Variants in COL19A1 observed in about 807,000 individuals in gnomAD.
COL19A1 encodes collagen alpha-1(XIX) chain.
COL19A1 carries 159 observed loss-of-function variants against 190.2 expected under a neutral mutation model. The observed-to-expected ratio is 0.84, with a 90% CI of 0.73 to 0.95. The LOEUF is 0.95. COL19A1 is among the 40% of genes least tolerant of loss of function. The pLI is 0.00. For synonymous variants in COL19A1, 509 were observed against 458.9 expected, an observed-to-expected ratio of 1.11 and a Z score of -1.39; for missense variants, 1,418 against 1,431.9, an observed-to-expected ratio of 0.99 and a Z score of 0.16.
intron 4 of COL19A1, among the ~76,000 whole-genome samples, chr6:69,904,804 G>C (rs1476153618): frequency 6.6e-6 from 1 of 152,156 alleles, no homozygotes; most frequent in Non-Finnish European, 1.5e-5. Context: ...GCACCTGAAG[G>C]TCCCTCACCC....
chr6:70,060,358 G>A (rs1780752093), intron 14 of COL19A1, among the ~76,000 whole-genome samples: 1 of 152,076 alleles, frequency 6.6e-6, no homozygotes, highest in African/African-American at 2.4e-5. Flanking sequence ...AGAAAAAAAT[G>A]AGCCTGTATC....
chr6:70,053,250 T>A (rs1415805347), intron 14 of COL19A1, among the ~76,000 whole-genome samples: 1 of 152,222 alleles, frequency 6.6e-6, no homozygotes, highest in African/African-American at 2.4e-5. Flanking sequence ...CTTGATTTAC[T>A]CAAGGACTTT....
intron 15 of COL19A1, among the ~76,000 whole-genome samples, chr6:70,072,846 C>G (rs1021646531): frequency 5.3e-5 from 8 of 152,106 alleles, no homozygotes; most frequent in Non-Finnish European, 1.0e-4. Context: ...TGGGAGCCTA[C>G]AAAAGTACAG....
At chr6:69,930,837 C>T (rs1261602801) in intron 6 of COL19A1, among the ~76,000 whole-genome samples, 3 of 151,930 alleles carry the variant, frequency 2.0e-5, no homozygotes, top group South Asian at 4.2e-4. Context: ...AAGAATTGAT[C>T]CCACAATTTG....
chr6:69,905,830 A>T (rs754171916), intron 4 of COL19A1, among the ~76,000 whole-genome samples: 6 of 152,108 alleles, frequency 3.9e-5, no homozygotes, highest in Non-Finnish European at 7.4e-5. Context: ...TTCAGTATTT[A>T]TGGGATAGCA....
rs561336759 is a variant in COL19A1 at position 69,922,377 on chromosome 6, A to T, written c.267-5532A>T. ...ATTGTTATATATAAATATTGATAATACTCTTATTTTTTTGTCACAGCAGAA... is the reference window on the plus strand; with the variant it reads ...ATTGTTATATATAAATATTGATAATTCTCTTATTTTTTTGTCACAGCAGAA... On this transcript the variant is annotated intron_variant, in intron 4 of 50. Transcript: ENST00000620364. Among the ~76,000 whole-genome samples the T allele has an allele frequency of 7.9e-5, 12 of 151,086 alleles. No homozygotes were observed. In the South Asian group the frequency reaches 2.5e-3, roughly 31 times the overall value.
At chr6:70,142,682 A>C (rs1374635815) in intron 22 of COL19A1, 85 bp from the exon 23 acceptor site, 1 of 1,225,480 alleles carries the variant, frequency 8.2e-7, no homozygotes, top group African/African-American at 1.5e-5. Flanking sequence ...TGAAGATCAC[A>C]CTATTCTTTA....
At chr6:69,969,130 T>C (rs1167480493) in intron 11 of COL19A1, among the ~76,000 whole-genome samples, 1 of 152,180 alleles carries the variant, frequency 6.6e-6, no homozygotes, top group Non-Finnish European at 1.5e-5. Flanking sequence ...GAATAAAAGA[T>C]GTTCAATAAA....
At chr6:70,204,067 G>T (rs561449048) in intron 49 of COL19A1, among the ~76,000 whole-genome samples, 1 of 152,242 alleles carries the variant, frequency 6.6e-6, no homozygotes, top group South Asian at 2.1e-4. Context: ...CACCATGTTG[G>T]CCAGGCTGGT....
chr6:70,126,174 C>G (rs577210718), intron 17 of COL19A1, among the ~76,000 whole-genome samples: 2 of 151,378 alleles, frequency 1.3e-5, no homozygotes, highest in African/African-American at 4.9e-5. Flanking sequence ...AACCAATTTG[C>G]TAGCAAAATA....
intron 15 of COL19A1, among the ~76,000 whole-genome samples, chr6:70,086,928 C>G (rs905474514): frequency 4.6e-5 from 7 of 152,144 alleles, no homozygotes; most frequent in African/African-American, 1.7e-4. Context: ...AGAGGATAAA[C>G]CAATGGACAC....
intron 17 of COL19A1, 27 bp from the exon 18 acceptor site, chr6:70,130,155 G>T (rs779548763): frequency 6.2e-7 from 1 of 1,609,344 alleles, no homozygotes; most frequent in Admixed American, 1.7e-5. Context: ...TTTTTCTTTT[G>T]TATTTTAAAT....
chr6:69,978,699 A>G (rs1775865153), intron 11 of COL19A1, among the ~76,000 whole-genome samples: 1 of 151,700 alleles, frequency 6.6e-6, no homozygotes, highest in Non-Finnish European at 1.5e-5. Context: ...TAGCCCCGAA[A>G]CAAAATAGTA....
intron 9 of COL19A1, among the ~76,000 whole-genome samples, chr6:69,959,509 T>G (rs935617078): frequency 1.5e-4 from 23 of 152,170 alleles, no homozygotes; most frequent in African/African-American, 5.1e-4. Flanking sequence ...TTGAAGTGTT[T>G]GGGCTCAAAT....
chr6:70,136,725 C>T (rs1032460073), intron 18 of COL19A1, among the ~76,000 whole-genome samples: 1 of 151,988 alleles, frequency 6.6e-6, no homozygotes, highest in Non-Finnish European at 1.5e-5. Flanking sequence ...TTTTTAATTT[C>T]TTTCATTTTG....
Position 70,040,113 on chromosome 6 carries a change from G to T in COL19A1, c.1170+4174G>T, listed in dbSNP as rs148968147. Reference sequence around the variant, plus strand: ...TTTTTGTGTCCCTGTGGATTCTTGTGCTTTTGGTACTTAAATTTTTTTTAA... The same window carrying T: ...TTTTTGTGTCCCTGTGGATTCTTGTTCTTTTGGTACTTAAATTTTTTTTAA... On this transcript the variant is annotated intron_variant, in intron 14 of 50. Coordinates refer to ENST00000620364, the MANE Select transcript of COL19A1 (RefSeq NM_001858.6). Among the ~76,000 whole-genome samples the T allele has an allele frequency of 2.5e-4, 38 of 152,046 alleles. No individual in the cohort carries two copies. The South Asian group carries it at 7.1e-3, about 28-fold the overall frequency.
At chr6:69,879,211 T>A (rs940635991) in intron 1 of COL19A1, among the ~76,000 whole-genome samples, 3 of 152,202 alleles carry the variant, frequency 2.0e-5, no homozygotes, top group African/African-American at 7.2e-5. Flanking sequence ...ATTGTGTGTA[T>A]TTGACCACAA....
At chr6:70,136,545 G>A (rs187602849) in intron 18 of COL19A1, among the ~76,000 whole-genome samples, 1 of 152,204 alleles carries the variant, frequency 6.6e-6, no homozygotes, top group South Asian at 2.1e-4. Flanking sequence ...TTATTTATGA[G>A]ATAAAGCTAT....
At chr6:70,121,486 CAT>C (rs1169768744) in intron 16 of COL19A1, among the ~76,000 whole-genome samples, 1 of 152,138 alleles carries the variant, frequency 6.6e-6, no homozygotes, top group Non-Finnish European at 1.5e-5. Flanking sequence ...AAGTTAATAA[CAT>C]GTGGGAACAC....
Sources: allele counts gnomAD v4.1 joint callset (sites outside exome capture counted in the v4.1 genomes callset), GRCh38; gene constraint gnomAD v4.1.1; transcripts MANE v1.5; gene names NCBI Gene and HGNC (gene_info 2026-07-23, HGNC 2026-07-21).